DDAH1: variants seen among roughly 807,000 people sequenced by gnomAD.
DDAH1 encodes the protein dimethylarginine dimethylaminohydrolase 1, also known as N(G),N(G)-dimethylarginine dimethylaminohydrolase 1.
In DDAH1, 19 loss-of-function variants were observed where a neutral mutation model predicts 28.8. The ratio of observed to expected loss-of-function variants is 0.66; its 90% CI spans 0.46 to 0.97. The LOEUF (loss-of-function observed/expected upper bound fraction) is 0.97. DDAH1 is among the 50% of genes least tolerant of loss of function. The pLI, the probability that DDAH1 is intolerant of heterozygous loss-of-function variation, is 0.00. For synonymous variants in DDAH1, 153 were observed against 154.4 expected (o/e 0.99, Z 0.07); for missense variants, 326 against 375.9 (o/e 0.87, Z 1.10).
chr1:85,387,038 A>C (rs557876810), intron 1 of DDAH1, among the ~76,000 whole-genome samples: 2 of 152,232 alleles, frequency 1.3e-5, no homozygotes, highest in South Asian at 4.1e-4. Context: ...ATTCCCCTGA[A>C]ACCACTCTGA....
chr1:85,352,175 C>T (rs575840890), intron 2 of DDAH1, among the ~76,000 whole-genome samples: 1 of 152,228 alleles, frequency 6.6e-6, no homozygotes, highest in South Asian at 2.1e-4. Context: ...TTTGTACATT[C>T]TCTCTAGGCC....
intron 1 of DDAH1, among the ~76,000 whole-genome samples, chr1:85,545,429 C>A (rs1420136030): frequency 6.6e-6 from 1 of 152,108 alleles, no homozygotes; most frequent in Non-Finnish European, 1.5e-5. Flanking sequence ...AGGATCAATT[C>A]TTATTCTTTC....
At chr1:85,540,273 C>A (rs1454729234) in intron 1 of DDAH1, among the ~76,000 whole-genome samples, 2 of 152,080 alleles carry the variant, frequency 1.3e-5, no homozygotes, top group African/African-American at 4.8e-5. Context: ...TCCCTATCTT[C>A]CTCTTTATGT....
At chr1:85,419,291 C>A (rs1653023962) in intron 1 of DDAH1, among the ~76,000 whole-genome samples, 1 of 151,892 alleles carries the variant, frequency 6.6e-6, no homozygotes, top group African/African-American at 2.4e-5. Flanking sequence ...GTAATCGCAG[C>A]ACTTTGGGAG....
chr1:85,400,177 CTTTTTTTT>C lies in DDAH1; in HGVS notation c.304-41338_304-41331del, dbSNP rs61677601. On this transcript the variant is annotated intron_variant, in intron 1 of 5. Transcript: ENST00000284031. The stretch of plus-strand genomic sequence containing the variant: ...TGCAGGAATTCCTTTCTTTTCTTTT[CTTTTTTTT>C]TTTTTTTTTTTTTTTTTTTTTTTGA... 1.8e-3 allele frequency among the ~76,000 whole-genome samples: 99 copies of C among 54,914 alleles called. 1 individual carries two copies. Among genetic ancestry groups the C allele is most frequent in the African/African-American group, 4.3e-3 (80 of 18,686 alleles). 36.0% of individuals were successfully genotyped at this position (54,914 alleles called of 152,430 possible).
At chr1:85,381,917 G>T (rs949319025) in intron 1 of DDAH1, among the ~76,000 whole-genome samples, 7 of 152,040 alleles carry the variant, frequency 4.6e-5, no homozygotes, top group African/African-American at 1.7e-4. Flanking sequence ...CTACTCCATT[G>T]ACTGGTTTGT....
At chr1:85,562,013 T>C (rs927399108) in intron 1 of DDAH1, among the ~76,000 whole-genome samples, 16 of 152,210 alleles carry the variant, frequency 1.1e-4, no homozygotes, top group Admixed American at 3.3e-4. Flanking sequence ...TCCCTCCAAA[T>C]AATGAAGCCA....
At chr1:85,402,188 G>A (rs1366483424) in intron 1 of DDAH1, among the ~76,000 whole-genome samples, 1 of 92,224 alleles carries the variant, frequency 1.1e-5, no homozygotes, top group Admixed American at 1.4e-4. Context: ...TTTTGGTACA[G>A]ACAGGGTCTC....
At chr1:85,322,597 A>G (rs906731708) in intron 5 of DDAH1, among the ~76,000 whole-genome samples, 1 of 152,040 alleles carries the variant, frequency 6.6e-6, no homozygotes, top group Non-Finnish European at 1.5e-5. Flanking sequence ...CTGTCAACCT[A>G]CTACTTAAAG....
chr1:85,513,654 A>G (rs1192579062), intron 1 of DDAH1, among the ~76,000 whole-genome samples: 2 of 152,208 alleles, frequency 1.3e-5, no homozygotes, highest in Admixed American at 6.5e-5. Context: ...CAAATTTACA[A>G]GAAAAAAAAC....
chr1:85,440,014 C>T (rs890787656), intron 1 of DDAH1, among the ~76,000 whole-genome samples: 1 of 152,096 alleles, frequency 6.6e-6, no homozygotes, highest in Non-Finnish European at 1.5e-5. Flanking sequence ...ACTCAGAATT[C>T]TACTTGGAAA....
At chr1:85,549,926 C>G (rs1241628181) in intron 1 of DDAH1, among the ~76,000 whole-genome samples, 1 of 151,920 alleles carries the variant, frequency 6.6e-6, no homozygotes, top group Admixed American at 6.6e-5. Context: ...TCACTGGAAC[C>G]CAGAGCTCTT....
At chr1:85,470,199 G>C (rs1300217299) in intron 2 of DDAH1, among the ~76,000 whole-genome samples, 1 of 152,140 alleles carries the variant, frequency 6.6e-6, no homozygotes, top group Non-Finnish European at 1.5e-5. Flanking sequence ...AATTTATAAA[G>C]AAAAAGAGAT....
intron 1 of DDAH1, among the ~76,000 whole-genome samples, chr1:85,497,359 G>A (rs1470764671): frequency 6.6e-6 from 1 of 152,232 alleles, no homozygotes; most frequent in Non-Finnish European, 1.5e-5. Context: ...CCAAAGGCGA[G>A]GGACTACGGT....
chr1:85,348,161 G>C (rs192041174), intron 4 of DDAH1, among the ~76,000 whole-genome samples: 33 of 152,290 alleles, frequency 2.2e-4, no homozygotes, highest in Admixed American at 1.6e-3. Context: ...ACTCTACAGG[G>C]AGGAGGACTA....
At chr1:85,491,960 A>T (rs991001506) in intron 2 of DDAH1, among the ~76,000 whole-genome samples, 32 of 152,226 alleles carry the variant, frequency 2.1e-4, no homozygotes, top group African/African-American at 7.5e-4. Flanking sequence ...TAATAATAGC[A>T]GCTACTTATT....
chr1:85,482,592 C>T (rs1207644093), intron 2 of DDAH1: 1 of 152,138 alleles, frequency 6.6e-6, no homozygotes, highest in Non-Finnish European at 1.5e-5. Context: ...AACTTCCATC[C>T]CAGACCCAAT....
chr1:85,345,334 AT>A (rs34721625), intron 4 of DDAH1, among the ~76,000 whole-genome samples: 135,525 of 146,464 alleles, frequency 0.93, 62,832 homozygotes, highest in East Asian at 0.99. Flanking sequence ...GTCTTACATT[AT>A]TTTTTTTTTT....
chr1:85,553,042 T>C (rs557926060), intron 1 of DDAH1, among the ~76,000 whole-genome samples: 1 of 152,286 alleles, frequency 6.6e-6, no homozygotes, highest in Admixed American at 6.5e-5. Context: ...AGCTGCCATG[T>C]AAGATATCCA....
Sources: allele counts gnomAD v4.1 joint callset (sites outside exome capture counted in the v4.1 genomes callset), GRCh38; gene constraint gnomAD v4.1.1; transcripts MANE v1.5; gene names NCBI Gene and HGNC (gene_info 2026-07-23, HGNC 2026-07-21).